NPHP1: variants seen among roughly 807,000 people sequenced by gnomAD.
The protein encoded by NPHP1 is nephrocystin-1.
NPHP1 carries 70 observed loss-of-function variants against 90.4 expected under a neutral mutation model. The observed-to-expected ratio is 0.77, with a 90% CI of 0.64 to 0.95. The LOEUF is 0.95. Among genes scored for constraint, NPHP1 ranks in the 40% least tolerant of loss-of-function variants. The probability of loss-of-function intolerance (pLI) is 0.00; values close to 1 mark genes in which losing one functional copy is unlikely to be tolerated. For missense variants in NPHP1, 764 were observed against 795.9 expected, an observed-to-expected ratio of 0.96 and a Z score of 0.48; for synonymous variants, 256 against 271.7, an observed-to-expected ratio of 0.94 and a Z score of 0.57.
intron 2 of NPHP1, among the ~76,000 whole-genome samples, chr2:110,181,687 T>C (rs77010894): frequency 0.043 from 6,503 of 152,160 alleles, 455 homozygotes; most frequent in African/African-American, 0.15. Context: ...TGAGAAATAA[T>C]TGACACAAAA....
At chr2:110,125,829 G>C in intron 18 of NPHP1, 148 bp from the exon 19 acceptor site, 1 of 714,916 alleles carries the variant, frequency 1.4e-6, no homozygotes. Flanking sequence ...CTGTAATTAG[G>C]AATCTATTGC....
chr2:110,202,879 C>T (rs549798201), intron 1 of NPHP1, among the ~76,000 whole-genome samples: 5 of 152,172 alleles, frequency 3.3e-5, no homozygotes, highest in African/African-American at 1.2e-4. Flanking sequence ...TCCCAAACAA[C>T]GTAAAACAGA....
At chr2:110,181,106 C>G (rs1379678184) in intron 2 of NPHP1, among the ~76,000 whole-genome samples, 1 of 152,186 alleles carries the variant, frequency 6.6e-6, no homozygotes, top group East Asian at 1.9e-4. Context: ...GGAATTCCAG[C>G]CAGCCAACCA....
intron 4 of NPHP1, among the ~76,000 whole-genome samples, chr2:110,172,358 C>G (rs1351539369): frequency 6.6e-6 from 1 of 152,000 alleles, no homozygotes; most frequent in African/African-American, 2.4e-5. Context: ...TTATTGTTCA[C>G]TGTTTTCTGC....
intron 18 of NPHP1, 94 bp from the exon 19 acceptor site, chr2:110,125,775 G>T: frequency 9.6e-7 from 1 of 1,037,984 alleles, no homozygotes; most frequent in Non-Finnish European, 1.5e-6. Flanking sequence ...CTTATGGACA[G>T]GGTTAAAAAT....
chr2:110,125,791 A>T, intron 18 of NPHP1, 110 bp from the exon 19 acceptor site: 1 of 896,068 alleles, frequency 1.1e-6, no homozygotes, highest in South Asian at 1.3e-5. Context: ...AAAATGCTGT[A>T]CAGATTCTAT....
intron 1 of NPHP1, among the ~76,000 whole-genome samples, chr2:110,201,793 A>T (rs2104716343): frequency 6.6e-6 from 1 of 152,284 alleles, no homozygotes; most frequent in African/African-American, 2.4e-5. Flanking sequence ...TAGTTGATGT[A>T]AAATATGTAT....
chr2:110,135,864 T>G (rs1680148613), intron 16 of NPHP1, among the ~76,000 whole-genome samples: 1 of 152,172 alleles, frequency 6.6e-6, no homozygotes, highest in South Asian at 2.1e-4. Flanking sequence ...TATTCAGGCT[T>G]CCAGCCTGTT....
intron 11 of NPHP1, among the ~76,000 whole-genome samples, chr2:110,157,903 G>A (rs1398082120): frequency 6.6e-6 from 1 of 152,178 alleles, no homozygotes; most frequent in Non-Finnish European, 1.5e-5. Flanking sequence ...TTTGACTGTA[G>A]ATTTGAGAAT....
intron 1 of NPHP1, among the ~76,000 whole-genome samples, chr2:110,201,722 G>A (rs1685591308): frequency 6.6e-6 from 1 of 152,074 alleles, no homozygotes; most frequent in Non-Finnish European, 1.5e-5. Flanking sequence ...AAAGTAAGTT[G>A]CAGTTATCAA....
At chr2:110,178,227 G>A in intron 4 of NPHP1, 196 bp downstream of exon 4, 1 of 597,808 alleles carries the variant, frequency 1.7e-6, no homozygotes, top group Non-Finnish European at 2.9e-6. Flanking sequence ...TGAGGGCAGA[G>A]ACTATGACTT....
intron 2 of NPHP1, among the ~76,000 whole-genome samples, chr2:110,194,219 C>T (rs1684967712): frequency 6.6e-6 from 1 of 151,996 alleles, no homozygotes; most frequent in Admixed American, 6.6e-5. Context: ...AATCCAGGAG[C>T]TGGTTTTTTG....
intron 4 of NPHP1, among the ~76,000 whole-genome samples, chr2:110,170,873 G>C (rs1239009846): frequency 6.6e-6 from 1 of 152,110 alleles, no homozygotes; most frequent in Non-Finnish European, 1.5e-5. Context: ...GAAACATCAA[G>C]TAGCTCATGA....
intron 2 of NPHP1, among the ~76,000 whole-genome samples, chr2:110,193,894 C>T (rs969884916): frequency 2.0e-5 from 3 of 152,062 alleles, no homozygotes; most frequent in Non-Finnish European, 4.4e-5. Flanking sequence ...GAACAACCTG[C>T]TCCGGAATGA....
chr2:110,154,169 G>A (rs1310432276), intron 11 of NPHP1, among the ~76,000 whole-genome samples: 1 of 152,082 alleles, frequency 6.6e-6, no homozygotes, highest in Admixed American at 6.5e-5. Flanking sequence ...TGAGTCTCAT[G>A]AGATCTGATG....
At chr2:110,148,857 A>G (rs1198159290) in intron 12 of NPHP1, among the ~76,000 whole-genome samples, 1 of 152,124 alleles carries the variant, frequency 6.6e-6, no homozygotes, top group East Asian at 1.9e-4. Context: ...TGCTCATTCA[A>G]TTCACTCTCC....
chr2:110,135,409 G>C (rs1030314643), intron 16 of NPHP1, among the ~76,000 whole-genome samples: 1 of 147,780 alleles, frequency 6.8e-6, no homozygotes, highest in Admixed American at 6.8e-5. Context: ...CCCGGGAGGC[G>C]GAGCTTGCAG....
Position 110,147,958 on chromosome 2 carries a change from A to T in NPHP1, c.1227T>A (p.Asp409Glu), listed in dbSNP as rs1244423873. The T allele has an allele frequency of 1.9e-6, 3 of 1,610,286 alleles. No homozygotes were observed. The highest frequency in any genetic ancestry group is 1.3e-5 in the African/African-American group (1 of 74,988). ...TTCCAAGTTCAAATAATATTCCAAG[A>T]TCTGGAGATGCAGAATTAGACCTGA... ...CFIRSNSASP[D>E]LGILFELGIS... Residue 409 changes from aspartate to glutamate, a missense_variant, in exon 13 of 20, where the codon GAT (aspartate) becomes GAA (glutamate). By Grantham distance (45) the Asp-to-Glu change is conservative. Transcript: ENST00000445609.
intron 8 of NPHP1, chr2:110,163,432 G>A (rs182098150): frequency 3.2e-4 from 124 of 388,114 alleles, no homozygotes; most frequent in Non-Finnish European, 3.3e-4. Flanking sequence ...TCCACCCTGC[G>A]CTTCCATTTC....
Sources: gnomAD v4.1 joint callset for allele counts (sites outside exome capture counted in the v4.1 genomes callset) on GRCh38, gnomAD v4.1.1 for gene constraint, MANE v1.5 for transcripts, NCBI Gene and HGNC (gene_info 2026-07-23, HGNC 2026-07-21) for gene names.